The following UXS1 variants were observed in gnomAD, a reference collection of about 807,000 sequenced individuals.
UXS1 encodes the protein UDP-glucuronate decarboxylase 1, also known as UDP-glucuronic acid decarboxylase 1.
UXS1 carries 33 observed loss-of-function variants against 62.6 expected under a neutral mutation model. The observed-to-expected ratio is 0.53, with a 90% CI of 0.40 to 0.70. The LOEUF (loss-of-function observed/expected upper bound fraction) is 0.70, where lower values mean the gene tolerates loss of function less well. Among genes scored for constraint, UXS1 ranks in the 30% least tolerant of loss-of-function variants. UXS1 has a pLI of 0.00. For missense variants in UXS1, 434 were observed against 556.3 expected, an observed-to-expected ratio of 0.78 and a Z score of 2.21; for synonymous variants, 213 against 206.8, an observed-to-expected ratio of 1.03 and a Z score of -0.26.
Position 106,123,550 on chromosome 2 carries a change from G to C in UXS1, c.638-459C>G, listed in dbSNP as rs1679696343. 2.0e-5 allele frequency among the ~76,000 whole-genome samples: 3 copies of C among 152,170 alleles called. No homozygotes were observed. The South Asian group carries it at 6.2e-4, about 32-fold the overall frequency. ...ATGTGCCATCAGCAGAACAAATCTG[G>C]GACCCGTGACAAGTCAACGTGGAGG... On this transcript the variant is annotated intron_variant, in intron 8 of 14. Transcript: ENST00000283148.
chr2:106,182,153 A>G (rs961449656), intron 1 of UXS1, among the ~76,000 whole-genome samples: 6 of 152,348 alleles, frequency 3.9e-5, no homozygotes, highest in African/African-American at 1.4e-4. Context: ...AGGTCTATCT[A>G]AAGTATGGGT....
At chr2:106,147,963 T>C (rs1681703947) in intron 5 of UXS1, among the ~76,000 whole-genome samples, 2 of 152,240 alleles carry the variant, frequency 1.3e-5, no homozygotes, top group South Asian at 4.1e-4. Flanking sequence ...ACAGGATGGG[T>C]GAGACCAGGC....
At chr2:106,105,031 T>TA (rs1333411788) in intron 10 of UXS1, among the ~76,000 whole-genome samples, 194 bp from the exon 11 acceptor site, 2 of 152,168 alleles carry the variant, frequency 1.3e-5, no homozygotes, top group African/African-American at 4.8e-5. Flanking sequence ...GTGGCAGCAA[T>TA]ACCTAAAGTG....
intron 1 of UXS1, among the ~76,000 whole-genome samples, chr2:106,190,041 C>A (rs1480819597): frequency 6.6e-6 from 1 of 152,178 alleles, no homozygotes; most frequent in Non-Finnish European, 1.5e-5. Flanking sequence ...CGGGGCCCTT[C>A]TTCAGGAAGG....
intron 9 of UXS1, among the ~76,000 whole-genome samples, chr2:106,117,564 G>A (rs758369209): frequency 6.6e-6 from 1 of 152,202 alleles, no homozygotes; most frequent in Non-Finnish European, 1.5e-5. Context: ...CTGACGGAAG[G>A]TTCTATTGAT....
At chr2:106,141,047 C>A (rs564116857) in intron 6 of UXS1, among the ~76,000 whole-genome samples, 1 of 152,254 alleles carries the variant, frequency 6.6e-6, no homozygotes. Context: ...TTTATGATGG[C>A]CCCAAACTGC....
intron 6 of UXS1, among the ~76,000 whole-genome samples, chr2:106,142,229 T>C (rs1334729690): frequency 6.6e-6 from 1 of 152,224 alleles, no homozygotes; most frequent in African/African-American, 2.4e-5. Context: ...CTTTGTAAAA[T>C]ACCTTTCTAT....
chr2:106,128,010 G>A (rs1162421617), intron 7 of UXS1, among the ~76,000 whole-genome samples: 1 of 152,184 alleles, frequency 6.6e-6, no homozygotes, highest in Admixed American at 6.5e-5. Context: ...AGAAGAGCCT[G>A]AGGGTAACCC....
intron 1 of UXS1, among the ~76,000 whole-genome samples, chr2:106,171,872 C>T (rs960542372): frequency 6.6e-6 from 1 of 152,254 alleles, no homozygotes; most frequent in Non-Finnish European, 1.5e-5. Context: ...TGCTCTCCTA[C>T]CCTACGTTAT....
intron 6 of UXS1, chr2:106,138,514 G>A: frequency 1.0e-6 from 1 of 985,480 alleles, no homozygotes; most frequent in Non-Finnish European, 1.2e-6. Flanking sequence ...AGGCGGGCCT[G>A]GAAACCTTCC....
At chr2:106,103,940 G>T (rs1353788564) in intron 11 of UXS1, among the ~76,000 whole-genome samples, 3 of 152,110 alleles carry the variant, frequency 2.0e-5, no homozygotes, top group Non-Finnish European at 4.4e-5. Context: ...GGTTGCTTTG[G>T]CTGAGGTGGG....
chr2:106,158,576 A>G (rs1003923225), intron 4 of UXS1, among the ~76,000 whole-genome samples: 2 of 152,218 alleles, frequency 1.3e-5, no homozygotes, highest in African/African-American at 4.8e-5. Context: ...GCAGAGGCCA[A>G]TATAACTAGG....
At chr2:106,143,376 T>C (rs1432974822) in intron 6 of UXS1, among the ~76,000 whole-genome samples, 2 of 110,036 alleles carry the variant, frequency 1.8e-5, no homozygotes, top group African/African-American at 7.1e-5. Flanking sequence ...GCCACTGCAC[T>C]CCAGCCTGGG....
At chr2:106,161,720 T>G (rs1459996518) in intron 4 of UXS1, among the ~76,000 whole-genome samples, 1 of 152,216 alleles carries the variant, frequency 6.6e-6, no homozygotes, top group East Asian at 1.9e-4. Flanking sequence ...TTGCCATCTA[T>G]TCAAAGAACA....
chr2:106,163,266 G>A (rs908605188), intron 4 of UXS1, among the ~76,000 whole-genome samples: 2 of 152,178 alleles, frequency 1.3e-5, no homozygotes, highest in Non-Finnish European at 2.9e-5. Flanking sequence ...GACAAAAGCA[G>A]CTAAATGACT....
In UXS1 at chr2:106,163,678, A is replaced by G; in HGVS notation, c.219T>C (p.Asp73=). ...AAAAGTACACATACCTTTTTTCTAAATCTCTGATTTTCTCTCTTAGTGGTT... is the reference window on the plus strand; with the variant it reads ...AAAAGTACACATACCTTTTTTCTAAGTCTCTGATTTTCTCTCTTAGTGGTT... ...MVEPLREKIR[D]LEKSFTQKYP... is the part of the protein sequence containing the mutation. The change falls in exon 4 of 15, where the codon GAT becomes GAC. Residue 73 remains aspartate (D), a synonymous_variant. Transcript: ENST00000283148. The G allele has an allele frequency of 6.8e-7, 1 of 1,471,680 alleles. No individual in the cohort carries two copies. 91.2% of individuals were successfully genotyped at this position (1,471,680 alleles called of 1,614,324 possible).
chr2:106,119,081 T>G (rs984150263), intron 9 of UXS1, among the ~76,000 whole-genome samples: 9 of 152,184 alleles, frequency 5.9e-5, no homozygotes, highest in South Asian at 2.1e-4. Context: ...AGATCACACA[T>G]TTAGAACTAT....
In UXS1 at chr2:106,106,621, T is replaced by C. The variant is rs115189105; in HGVS notation, c.880-1784A>G. ...GCAACAAATCTCAGTAAAGGAACAT[T>C]GAGGAAGGATGGGCATGGGCCTCTT... On this transcript the variant is annotated intron_variant, in intron 10 of 14. Coordinates refer to ENST00000283148, the MANE Select transcript of UXS1 (RefSeq NM_001253875.2). 3.3e-3 allele frequency among the ~76,000 whole-genome samples: 499 copies of C among 152,184 alleles called. 1 individual carries two copies. The highest frequency in any genetic ancestry group is 9.1e-3 in the African/African-American group (379 of 41,534).
chr2:106,098,980 C>T (rs1198810040), intron 12 of UXS1, among the ~76,000 whole-genome samples: 4 of 152,242 alleles, frequency 2.6e-5, no homozygotes. Flanking sequence ...TCTATACCTT[C>T]AGCCTCTAGG....
Sources: allele counts gnomAD v4.1 joint callset (sites outside exome capture counted in the v4.1 genomes callset), GRCh38; gene constraint gnomAD v4.1.1; transcripts MANE v1.5; gene names NCBI Gene and HGNC (gene_info 2026-07-23, HGNC 2026-07-21).